ABHD14A: variants seen among roughly 807,000 people sequenced by gnomAD.
ABHD14A encodes protein ABHD14A.
A neutral mutation model predicts 27.0 loss-of-function variants in ABHD14A; 19 were observed. That is an observed-to-expected ratio of 0.70 (90% confidence interval 0.49 to 1.03). The LOEUF is 1.03. Ranked by LOEUF, ABHD14A falls within the 50% of genes least tolerant of loss-of-function variation. The pLI is 0.00. For missense variants in ABHD14A, 311 were observed against 344.6 expected (o/e 0.90, Z 0.77); for synonymous variants, 148 against 158.8 (o/e 0.93, Z 0.51).
chr3:51,980,713 T>C (rs1329722667), intron 4 of ABHD14A, 85 bp downstream of exon 4: 1 of 1,556,536 alleles, frequency 6.4e-7, no homozygotes, highest in Non-Finnish European at 8.8e-7. Flanking sequence ...TGGAGGGACA[T>C]GGCCTTATCC....
chr3:51,975,248 G>GGCA, intron 1 of ABHD14A, 44 bp downstream of exon 1: 1 of 1,245,096 alleles, frequency 8.0e-7, no homozygotes, highest in Non-Finnish European at 1.0e-6. Context: ...GCCCAGGGGA[G>GGCA]GGCCGTCTTT....
At chr3:51,978,701 C>T (rs1467442856) in intron 3 of ABHD14A, 3 of 272,082 alleles carry the variant, frequency 1.1e-5, no homozygotes, top group South Asian at 9.9e-5. Context: ...AAGCAATTCT[C>T]CTGCCTCCGC....
At chr3:51,978,433 A>T (rs1577716811) in intron 3 of ABHD14A, 59 bp downstream of exon 3, 1 of 1,385,604 alleles carries the variant, frequency 7.2e-7, no homozygotes, top group Admixed American at 2.0e-5. Context: ...AGGCAACTGG[A>T]CCCTAGGGTC....
At chr3:51,980,753 T>C in intron 4 of ABHD14A, 83 bp from the exon 5 acceptor site, 1 of 1,567,308 alleles carries the variant, frequency 6.4e-7, no homozygotes, top group African/African-American at 1.3e-5. Flanking sequence ...TTGGATGGTG[T>C]TGGGGAAGGC....
Position 51,981,057 on chromosome 3 carries a change from G to T in ABHD14A, c.*39G>T. 6.3e-7 allele frequency: 1 copy of T among 1,588,902 alleles called. No homozygotes were observed. The highest frequency in any genetic ancestry group is 2.3e-5 in the East Asian group (1 of 44,296). ...CAGCTCCCAGCCTGGCATGAGCTTG[G>T]ACAGTCTGGACCGCCACCCTCCCTG... On this transcript the variant is annotated 3_prime_UTR_variant, in exon 5 of 5. Coordinates refer to ENST00000273596, the MANE Select transcript of ABHD14A (RefSeq NM_015407.5).
chr3:51,978,519 C>G (rs2106814561), intron 3 of ABHD14A, 145 bp downstream of exon 3: 1 of 531,414 alleles, frequency 1.9e-6, no homozygotes. Flanking sequence ...ACTATGAAAA[C>G]TACAGTGTGA....
chr3:51,978,745 C>T (rs1295520181), intron 3 of ABHD14A: 1 of 259,652 alleles, frequency 3.9e-6, no homozygotes. Flanking sequence ...GTGACTGCCA[C>T]CACGCCTGGC....
Position 51,978,081 on chromosome 3 carries a change from A to C in ABHD14A, c.280A>C (p.Arg94=). 6.2e-7 allele frequency: 1 copy of C among 1,613,230 alleles called. No individual in the cohort carries two copies. The highest frequency in any genetic ancestry group is 8.5e-7 in the Non-Finnish European group (1 of 1,179,608). Residue 94 remains arginine, a splice_region_variant and synonymous_variant, in exon 2 of 5, where the codon AGG becomes CGG. Coordinates refer to ENST00000273596, the MANE Select transcript of ABHD14A (RefSeq NM_015407.5). ...REVLPLNQAH[R]VEVVLLHGKA... ...GGTGCTCCCACTCAACCAGGCACAC[A>C]GGTAGGTGCTGCTCCAAGGGTCTAG... is the stretch of plus-strand genomic sequence containing the variant.
rs1405590891 is a variant in ABHD14A, at chr3:51,977,938, T to G, written c.137T>G (p.Leu46Arg). The G allele has an allele frequency of 1.2e-6, 2 of 1,614,040 alleles. No individual in the cohort carries two copies. Among genetic ancestry groups the G allele is most frequent in the African/African-American group, 1.3e-5 (1 of 74,936 alleles). ...CTGGGCCTGAGTCTGCTGCTCATGC[T>G]CCTACTGTATGTGGGGCTGCCAGGC... ...ALLGLSLLLM[L>R]LLYVGLPGPP... Residue 46 changes from leucine to arginine, a missense_variant, in exon 2 of 5, where the codon CTC becomes CGC. Leu to Arg is a moderately radical substitution (Grantham distance 102). Coordinates refer to ENST00000273596, the MANE Select transcript of ABHD14A (RefSeq NM_015407.5).
chr3:51,977,861 CCCT>C lies in ABHD14A; in HGVS notation c.70-8_70-6del, dbSNP rs775015932. On this transcript the variant is annotated splice_region_variant and splice_polypyrimidine_tract_variant and intron_variant, in intron 1 of 4. Transcript: ENST00000273596. ...TTCCAGCCTCTTTTCCCTCTCCTCT[CCCT>C]CTCCAGACTGTGGTACAGACCTCCA... is the stretch of plus-strand genomic sequence containing the variant. 1.9e-6 allele frequency: 3 copies of C among 1,605,830 alleles called. No homozygotes were observed. In the African/African-American group the frequency reaches 4.0e-5, roughly 21 times the overall value.
At position 51,980,970 on chromosome 3, in the gene ABHD14A, G is replaced by T; in HGVS notation, c.768G>T (p.Pro256=). The change falls in exon 5 of 5, where the codon CCG becomes CCT. Residue 256 remains proline, a synonymous_variant. Transcript: ENST00000273596. The part of the protein sequence containing the change: ...NAGHACYLHK[P]QDFHLVLLAF... ...GCCATGCCTGTTACCTCCACAAGCC[G>T]CAAGACTTCCACCTTGTCCTGCTTG... 1 of 1,613,998 alleles carries T rather than the reference G, an allele frequency of 6.2e-7. No homozygotes were observed. The highest frequency in any genetic ancestry group is 8.5e-7 in the Non-Finnish European group (1 of 1,179,878).
intron 1 of ABHD14A, 39 bp downstream of exon 1, chr3:51,975,243 G>GGA: frequency 8.0e-7 from 1 of 1,246,226 alleles, no homozygotes; most frequent in Non-Finnish European, 1.0e-6. Context: ...CGGTGGCCCA[G>GGA]GGGAGGGCCG....
chr3:51,980,326 T>C (rs1180324107), intron 3 of ABHD14A, 67 bp from the exon 4 acceptor site: 7 of 1,484,792 alleles, frequency 4.7e-6, no homozygotes, highest in Middle Eastern at 3.4e-4. Flanking sequence ...TTTCCCCCAC[T>C]GTGGTGGGCA....
At chr3:51,977,738 C>T in intron 1 of ABHD14A, 133 bp from the exon 2 acceptor site, 1 of 856,612 alleles carries the variant, frequency 1.2e-6, no homozygotes, top group Non-Finnish European at 1.8e-6. Context: ...CAGAACTTTG[C>T]CCAGAGCAAG....
chr3:51,978,458 C>T, intron 3 of ABHD14A, 84 bp downstream of exon 3: 1 of 947,680 alleles, frequency 1.1e-6, no homozygotes. Flanking sequence ...CAGGCCGTGG[C>T]AGGTCACAAC....
chr3:51,975,189 C>G lies in ABHD14A; in HGVS notation c.54C>G (p.Leu18=). ...CWFRLGGARP[L]IPLGPTVVQT... The stretch of plus-strand genomic sequence containing the variant: ...TCCGCCTGGGCGGGGCCCGCCCGCT[C>G]ATCCCGTTGGGCCCGGTGAGTCTCC... Residue 18 remains leucine (L), a synonymous_variant, in exon 1 of 5, where the codon CTC becomes CTG. Transcript: ENST00000273596. 1 of 1,275,198 alleles carries G rather than the reference C, an allele frequency of 7.8e-7. No homozygotes were observed. The highest frequency in any genetic ancestry group is 9.9e-7 in the Non-Finnish European group (1 of 1,010,118). The allele number at this position is 1,275,198 out of a possible 1,614,324, so 79.0% of individuals were successfully genotyped here. A position where few individuals can be genotyped will look rare whatever the true frequency, so the allele number is the denominator to read the frequency against.
intron 1 of ABHD14A, among the ~76,000 whole-genome samples, chr3:51,977,660 G>A (rs1700813963): frequency 6.6e-6 from 1 of 152,224 alleles, no homozygotes; most frequent in Non-Finnish European, 1.5e-5. Flanking sequence ...CACCTCAGAT[G>A]CACCTCCTCA....
chr3:51,977,981 C>T lies in ABHD14A; in HGVS notation c.180C>T (p.Ser60=). 12 of 1,614,136 alleles carry T rather than the reference C, an allele frequency of 7.4e-6. No homozygotes were observed. Among genetic ancestry groups the T allele is most frequent in the Non-Finnish European group, 1.0e-5 (12 of 1,180,036 alleles). ...TGCCAGGCCCCCCTGAGCAGACTTCCTGCCTCTGGGGAGACCCCAATGTCA... is the reference window on the plus strand; with the variant it reads ...TGCCAGGCCCCCCTGAGCAGACTTCTTGCCTCTGGGGAGACCCCAATGTCA... ...VGLPGPPEQT[S]CLWGDPNVTV... Residue 60 remains serine, a synonymous_variant, in exon 2 of 5, where the codon TCC becomes TCT. Coordinates refer to ENST00000273596, the MANE Select transcript of ABHD14A (RefSeq NM_015407.5).
Position 51,978,100 on chromosome 3 carries a change from G to T in ABHD14A, c.281+18G>T. On this transcript the variant is annotated intron_variant, in intron 2 of 4. Coordinates refer to ENST00000273596, the MANE Select transcript of ABHD14A (RefSeq NM_015407.5). ...GCACACAGGTAGGTGCTGCTCCAAG[G>T]GTCTAGTGGAGGGACTAGGCTCAAG... 1 of 1,609,108 alleles carries T rather than the reference G, an allele frequency of 6.2e-7. No homozygotes were observed. Among genetic ancestry groups the T allele is most frequent in the Non-Finnish European group, 8.5e-7 (1 of 1,177,540 alleles).
Sources: gnomAD v4.1 joint callset for allele counts (sites outside exome capture counted in the v4.1 genomes callset) on GRCh38, gnomAD v4.1.1 for gene constraint, MANE v1.5 for transcripts, NCBI Gene and HGNC (gene_info 2026-07-23, HGNC 2026-07-21) for gene names.